Variants in CACNA1C observed in about 807,000 individuals in gnomAD.
CACNA1C encodes voltage-dependent L-type calcium channel subunit alpha-1C.
CACNA1C carries 30 observed loss-of-function variants against 229.0 expected under a neutral mutation model. That is an observed-to-expected ratio of 0.13 (90% confidence interval 0.10 to 0.18). The LOEUF (loss-of-function observed/expected upper bound fraction) is 0.18, where lower values mean the gene tolerates loss of function less well. Ranked by LOEUF, CACNA1C falls within the 10% of genes least tolerant of loss-of-function variation. CACNA1C has a pLI of 1.00. For synonymous variants in CACNA1C, 1,114 were observed against 1,132.5 expected, an observed-to-expected ratio of 0.98 and a Z score of 0.33; for missense variants, 1,658 against 2,845.0, an observed-to-expected ratio of 0.58 and a Z score of 9.49.
At chr12:2,057,563 C>A (rs2055614574) in intron 1 of CACNA1C, among the ~76,000 whole-genome samples, 1 of 152,202 alleles carries the variant, frequency 6.6e-6, no homozygotes, top group African/African-American at 2.4e-5. Context: ...CGTGCCGCCG[C>A]ACACACTGGA....
chr12:2,228,615 A>G (rs962436472), intron 3 of CACNA1C, among the ~76,000 whole-genome samples: 1 of 152,342 alleles, frequency 6.6e-6, no homozygotes, highest in African/African-American at 2.4e-5. Context: ...GATGGAGAGG[A>G]GGAAAACCCA....
chr12:2,117,742 G>A (rs1188333157), intron 2 of CACNA1C, among the ~76,000 whole-genome samples: 1 of 152,238 alleles, frequency 6.6e-6, no homozygotes, highest in Non-Finnish European at 1.5e-5. Flanking sequence ...ACTGGGACAC[G>A]CCGGACCTGG....
intron 3 of CACNA1C, among the ~76,000 whole-genome samples, chr12:2,413,302 C>T (rs1338614670): frequency 3.3e-5 from 5 of 152,220 alleles, no homozygotes. Context: ...CAGGCGTGAG[C>T]CACCACACCC....
chr12:2,232,302 G>A (rs921620740), intron 3 of CACNA1C, among the ~76,000 whole-genome samples: 3 of 142,494 alleles, frequency 2.1e-5, no homozygotes, highest in African/African-American at 8.0e-5. Flanking sequence ...TGAAGAATCC[G>A]GGTCAGTTAT....
Position 2,669,001 on chromosome 12 carries a change from C to A in CACNA1C, c.4692C>A (p.Ala1564=). 1.2e-6 allele frequency: 2 copies of A among 1,614,080 alleles called. No individual in the cohort carries two copies. The highest frequency in any genetic ancestry group is 1.7e-6 in the Non-Finnish European group (2 of 1,179,944). The change falls in exon 38 of 47, where the codon GCC becomes GCA. Residue 1564 remains alanine (A), a synonymous_variant. Transcript: ENST00000399655. ...GTVMFNATLF[A]LVRTALRIKT... ...TCATGTTCAATGCCACCCTGTTTGC[C>A]CTGGTCAGGACGGCCCTGAGGATCA...
rs139551044 is a variant in CACNA1C, at chr12:2,446,601, G to T, written c.478-2375G>T. 5.0e-3 allele frequency among the ~76,000 whole-genome samples: 757 copies of T among 151,566 alleles called. 6 individuals carry two copies. Among genetic ancestry groups the T allele is most frequent in the Middle Eastern group, 0.017 (5 of 292 alleles). On this transcript the variant is annotated intron_variant, in intron 3 of 46. Transcript: ENST00000399655. Reference sequence around the variant, plus strand: ...TGGATGGATGGATGAATGGGTGGGTGGCTGGCTGGATAGGTGGTGAGTGGG... The same window carrying T: ...TGGATGGATGGATGAATGGGTGGGTTGCTGGCTGGATAGGTGGTGAGTGGG...
At chr12:2,505,749 TTTC>T (rs2099770240) in intron 8 of CACNA1C, among the ~76,000 whole-genome samples, 1 of 152,162 alleles carries the variant, frequency 6.6e-6, no homozygotes, top group Non-Finnish European at 1.5e-5. Flanking sequence ...CTCAACCCAC[TTTC>T]TTCTTCAGAA....
At chr12:2,510,310 G>C (rs545203560) in intron 8 of CACNA1C, among the ~76,000 whole-genome samples, 2 of 152,120 alleles carry the variant, frequency 1.3e-5, no homozygotes, top group African/African-American at 2.4e-5. Flanking sequence ...ATCCTTTACC[G>C]TGGGAAACCT....
chr12:2,605,803 G>A lies in CACNA1C; in HGVS notation c.3156+17G>A, dbSNP rs201709484. ...CTCTTCAAGGTAAAGTCTGGGCTCC[G>A]TTGTGGTCCTCCTACCTCCCCTCCC... On this transcript the variant is annotated intron_variant, in intron 24 of 46. Transcript: ENST00000399655. This position sits in a 1 kb window ranked among gnomAD's most constrained non-coding sequence, Gnocchi z 6.2. 4.7e-4 allele frequency: 717 copies of A among 1,535,126 alleles called. 1 individual carries two copies. Among genetic ancestry groups the A allele is most frequent in the Admixed American group, 5.5e-4 (33 of 59,842 alleles).
chr12:2,659,987 A>C (rs2095623876), intron 34 of CACNA1C: 1 of 201,206 alleles, frequency 5.0e-6, no homozygotes, highest in African/African-American at 2.3e-5. Flanking sequence ...AACTCATTGA[A>C]GTGGACAGTG....
chr12:2,623,210 G>A (rs531306552), intron 29 of CACNA1C, among the ~76,000 whole-genome samples: 68 of 152,256 alleles, frequency 4.5e-4, no homozygotes, highest in African/African-American at 1.6e-3. Flanking sequence ...CTGTGATTGG[G>A]TCACGTTCAA....
chr12:2,680,551 G>A (rs1344378863), intron 42 of CACNA1C: 4 of 1,569,036 alleles, frequency 2.5e-6, no homozygotes, highest in South Asian at 1.2e-5. Context: ...CTCCCAGCAG[G>A]CTGCACAGCC....
chr12:2,177,797 A>C (rs6489351), intron 3 of CACNA1C, among the ~76,000 whole-genome samples: 52,468 of 151,520 alleles, frequency 0.35, 9,658 homozygotes, highest in South Asian at 0.42. Context: ...CCACCACACC[A>C]GCCTAATTTT....
chr12:2,057,411 G>A (rs955457010), intron 1 of CACNA1C, among the ~76,000 whole-genome samples: 22 of 152,240 alleles, frequency 1.4e-4, no homozygotes, highest in Non-Finnish European at 1.9e-4. Flanking sequence ...CAGGGCTTAG[G>A]AGTCAGGAAA....
intron 39 of CACNA1C, among the ~76,000 whole-genome samples, chr12:2,675,395 C>CTTTGA (rs915591395): frequency 2.6e-5 from 4 of 152,106 alleles, no homozygotes; most frequent in African/African-American, 9.7e-5. Context: ...ACTGTCAACA[C>CTTTGA]TTTGATTTGC....
At chr12:2,128,560 A>G (rs113046210) in intron 3 of CACNA1C, among the ~76,000 whole-genome samples, 4,949 of 152,120 alleles carry the variant, frequency 0.033, 175 homozygotes, top group African/African-American at 0.091. Flanking sequence ...ACACGCGCTC[A>G]GCACCATGCC....
chr12:2,207,526 T>C (rs1419623934), intron 3 of CACNA1C, among the ~76,000 whole-genome samples: 1 of 152,140 alleles, frequency 6.6e-6, no homozygotes, highest in African/African-American at 2.4e-5. Flanking sequence ...AGATGAGAAA[T>C]AGGCCAGGTG....
intron 3 of CACNA1C, among the ~76,000 whole-genome samples, chr12:2,352,465 A>T (rs1414796156): frequency 6.6e-6 from 1 of 152,244 alleles, no homozygotes; most frequent in Non-Finnish European, 1.5e-5. Flanking sequence ...GAAGACCTTC[A>T]CAAGACATGC....
At chr12:2,644,137 A>G (rs1346570159) in intron 30 of CACNA1C, among the ~76,000 whole-genome samples, 1 of 152,176 alleles carries the variant, frequency 6.6e-6, no homozygotes, top group Non-Finnish European at 1.5e-5. Context: ...CTCCCATGAC[A>G]TTACTTTTGA....
Sources: allele counts gnomAD v4.1 joint callset (sites outside exome capture counted in the v4.1 genomes callset), GRCh38; gene constraint gnomAD v4.1.1; non-coding constraint Gnocchi (gnomAD v3.1); transcripts MANE v1.5; gene names NCBI Gene and HGNC (gene_info 2026-07-23, HGNC 2026-07-21).